LCMT1: variants seen among roughly 807,000 people sequenced by gnomAD.
The protein encoded by LCMT1 is [Phosphatase 2A protein]-leucine-carboxy methyltransferase 1.
Under a neutral mutation model 47.7 loss-of-function variants are expected in LCMT1, and 32 were observed. That is an observed-to-expected ratio of 0.67 (90% confidence interval 0.51 to 0.90). The LOEUF is 0.90. Among genes scored for constraint, LCMT1 ranks in the 40% least tolerant of loss-of-function variants. The probability of loss-of-function intolerance (pLI) is 0.00; values close to 1 mark genes in which losing one functional copy is unlikely to be tolerated. For synonymous variants in LCMT1, 152 were observed against 149.7 expected, an observed-to-expected ratio of 1.02 and a Z score of -0.11; for missense variants, 375 against 415.2, an observed-to-expected ratio of 0.90 and a Z score of 0.84.
At chr16:25,116,643 G>C (rs1959793802) in intron 1 of LCMT1, among the ~76,000 whole-genome samples, 1 of 151,200 alleles carries the variant, frequency 6.6e-6, no homozygotes, top group Non-Finnish European at 1.5e-5. Flanking sequence ...CCTAGCACTT[G>C]GAGAAGCCAA....
At chr16:25,165,276 C>T (rs772894668) in intron 7 of LCMT1, among the ~76,000 whole-genome samples, 10 of 152,182 alleles carry the variant, frequency 6.6e-5, no homozygotes, top group Non-Finnish European at 1.5e-4. Context: ...TCTAAAATTA[C>T]CATGTATGAT....
At position 25,169,156 on chromosome 16, in the gene LCMT1, G is replaced by A. The variant is rs368250514; in HGVS notation, c.735G>A (p.Leu245=). 11 of 1,613,556 alleles carry A rather than the reference G, an allele frequency of 6.8e-6. No homozygotes were observed. The African/African-American group carries it at 1.2e-4, about 18-fold the overall frequency. ...TTGGGCAGATCATGATTGAAAACCT[G>A]CGGAGACGCCAGTGTGACCTGGCGG... is the stretch of plus-strand genomic sequence containing the variant. ...DRFGQIMIEN[L]RRRQCDLAGV... The change falls in exon 8 of 11, where the codon CTG becomes CTA. Residue 245 remains leucine (L), a synonymous_variant. Transcript: ENST00000399069.
At chr16:25,127,219 T>A (rs1960216939) in intron 1 of LCMT1, among the ~76,000 whole-genome samples, 1 of 152,250 alleles carries the variant, frequency 6.6e-6, no homozygotes, top group Admixed American at 6.5e-5. Context: ...TTATTTTACT[T>A]GGTTCAACAT....
At chr16:25,170,542 A>C (rs1377463222) in intron 8 of LCMT1, among the ~76,000 whole-genome samples, 172 bp from the exon 9 acceptor site, 1 of 151,822 alleles carries the variant, frequency 6.6e-6, no homozygotes, top group Non-Finnish European at 1.5e-5. Context: ...AGCGGGGAGG[A>C]TCGCTTGAGC....
At chr16:25,173,419 T>A (rs1961832418) in intron 9 of LCMT1, among the ~76,000 whole-genome samples, 1 of 152,216 alleles carries the variant, frequency 6.6e-6, no homozygotes, top group African/African-American at 2.4e-5. Flanking sequence ...ACCACATTAC[T>A]TTATGTGTAG....
At chr16:25,170,444 C>T (rs538378496) in intron 8 of LCMT1, among the ~76,000 whole-genome samples, 5 of 152,106 alleles carry the variant, frequency 3.3e-5, no homozygotes, top group Admixed American at 2.6e-4. Flanking sequence ...AGAAAGGAGT[C>T]GTCTCAGAGG....
chr16:25,148,931 C>A (rs1050362259), intron 4 of LCMT1: 9 of 152,292 alleles, frequency 5.9e-5, no homozygotes, highest in African/African-American at 1.4e-4. Context: ...GGCAGAGACT[C>A]TGCGGCTGGC....
At chr16:25,164,759 G>A (rs745990576) in intron 7 of LCMT1, 41 bp downstream of exon 7, 26 of 1,613,084 alleles carry the variant, frequency 1.6e-5, no homozygotes, top group Non-Finnish European at 2.2e-5. Context: ...ATACAGGATC[G>A]CCGTGGTGGC....
At chr16:25,168,203 T>C (rs1961645573) in intron 7 of LCMT1, among the ~76,000 whole-genome samples, 1 of 151,948 alleles carries the variant, frequency 6.6e-6, no homozygotes, top group South Asian at 2.1e-4. Context: ...CACGTGCCAC[T>C]GCGCCTGGCT....
chr16:25,171,686 C>T (rs910594829), intron 9 of LCMT1, among the ~76,000 whole-genome samples: 15 of 152,066 alleles, frequency 9.9e-5, no homozygotes, highest in African/African-American at 3.6e-4. Flanking sequence ...AAGGGGCTGG[C>T]GGGTTTTTAA....
At chr16:25,165,300 G>A (rs1961553921) in intron 7 of LCMT1, among the ~76,000 whole-genome samples, 1 of 152,168 alleles carries the variant, frequency 6.6e-6, no homozygotes. Context: ...CCAGCTGCCT[G>A]TTTACTTCTT....
Position 25,164,730 on chromosome 16 carries a change from CACAGGAGAACTGGATTCCAT to C in LCMT1, c.690+19_690+38del. The C allele has an allele frequency of 6.2e-7, 1 of 1,613,888 alleles. No homozygotes were observed. Among genetic ancestry groups the C allele is most frequent in the Admixed American group, 1.7e-5 (1 of 60,014 alleles). ...TAAACTACGAACAGGTAAAAGGAAG[CACAGGAGAACTGGATTCCAT>C]ACAGGATCGCCGTGGTGGCTTCCCT... On this transcript the variant is annotated intron_variant, in intron 7 of 10. Transcript: ENST00000399069.
intron 1 of LCMT1, chr16:25,125,873 A>AATC: frequency 4.5e-6 from 1 of 222,678 alleles, no homozygotes; most frequent in Non-Finnish European, 7.5e-6. Flanking sequence ...TAATAATAAT[A>AATC]GTTTTGTTGC....
rs971810471 is a variant in LCMT1 at position 25,132,402 on chromosome 16, G to T, written c.206G>T (p.Gly69Val). 2 of 1,613,386 alleles carry T rather than the reference G, an allele frequency of 1.2e-6. No homozygotes were observed. Among genetic ancestry groups the T allele is most frequent in the East Asian group, 2.2e-5 (1 of 44,880 alleles). The stretch of plus-strand genomic sequence containing the variant: ...TTTCTGTGCCTCCCCTCCCCCCTAG[G>T]ATATTTTGCTCGAGTCCATGGTGTC... The part of the protein sequence containing the change: ...KERKAPEINR[G>V]YFARVHGVSQ... The change falls in exon 3 of 11, where the codon GGA becomes GTA. Residue 69 changes from glycine (G) to valine (V), a missense_variant and splice_region_variant. Coordinates refer to ENST00000399069, the MANE Select transcript of LCMT1 (RefSeq NM_016309.3).
At chr16:25,169,942 G>A (rs750762197) in intron 8 of LCMT1, among the ~76,000 whole-genome samples, 1 of 151,886 alleles carries the variant, frequency 6.6e-6, no homozygotes, top group East Asian at 1.9e-4. Flanking sequence ...TTTTTTGGGC[G>A]GGCGCGGTGG....
intron 10 of LCMT1, among the ~76,000 whole-genome samples, chr16:25,177,250 T>C (rs78028677): frequency 6.6e-6 from 1 of 152,182 alleles, no homozygotes; most frequent in Non-Finnish European, 1.5e-5. Flanking sequence ...TAAAAAATAC[T>C]TCTTAGTAGG....
At chr16:25,175,484 TAGCC>T (rs1961903732) in intron 10 of LCMT1, among the ~76,000 whole-genome samples, 1 of 131,784 alleles carries the variant, frequency 7.6e-6, no homozygotes, top group South Asian at 2.4e-4. Context: ...AAAAAAAAAA[TAGCC>T]AGGCGTGGTG....
chr16:25,161,163 T>G lies in LCMT1; in HGVS notation c.528T>G (p.Ser176=). 6.2e-7 allele frequency: 1 copy of G among 1,610,476 alleles called. No homozygotes were observed. The highest frequency in any genetic ancestry group is 8.5e-7 in the Non-Finnish European group (1 of 1,178,538). ...AVIGADLRDL[S]ELEEKLKKCN... ...TTGGAGCAGATCTCCGAGACCTGTC[T>G]GAACTGGAAGAGAAGCTAAAGAAAT... Residue 176 remains serine, a synonymous_variant, in exon 6 of 11, where the codon TCT becomes TCG. Transcript: ENST00000399069.
rs1015157515 is a variant in LCMT1 at position 25,116,938 on chromosome 16, G to C, written c.113+4942G>C. On this transcript the variant is annotated intron_variant, in intron 1 of 10. Coordinates refer to ENST00000399069, the MANE Select transcript of LCMT1 (RefSeq NM_016309.3). ...ACCAGAAACTGGGGTTTGCCAGGCA[G>C]AAGACAGTAGCAGGAGCAGAGGCAT... Among the ~76,000 whole-genome samples the C allele has an allele frequency of 2.0e-4, 31 of 152,028 alleles. 1 individual carries two copies. In the East Asian group the frequency reaches 5.8e-3, roughly 29 times the overall value.
Sources: allele counts gnomAD v4.1 joint callset (sites outside exome capture counted in the v4.1 genomes callset), GRCh38; gene constraint gnomAD v4.1.1; transcripts MANE v1.5; gene names NCBI Gene and HGNC (gene_info 2026-07-23, HGNC 2026-07-21).